FREM3: variants seen among roughly 807,000 people sequenced by gnomAD.
The protein encoded by FREM3 is FRAS1-related extracellular matrix protein 3.
A neutral mutation model predicts 129.1 loss-of-function variants in FREM3; 105 were observed. The ratio of observed to expected loss-of-function variants is 0.81; its 90% CI spans 0.69 to 0.96. The LOEUF (loss-of-function observed/expected upper bound fraction) is 0.96, where lower values mean the gene tolerates loss of function less well. FREM3 is among the 40% of genes least tolerant of loss of function. FREM3 has a pLI of 0.00. For missense variants in FREM3, 2,593 were observed against 2,666.3 expected, an observed-to-expected ratio of 0.97 and a Z score of 0.61; for synonymous variants, 1,014 against 1,044.9, an observed-to-expected ratio of 0.97 and a Z score of 0.57.
intron 2 of FREM3, among the ~76,000 whole-genome samples, chr4:143,674,104 C>T (rs1189300008): frequency 3.9e-5 from 6 of 152,126 alleles, no homozygotes; most frequent in Non-Finnish European, 7.3e-5. Context: ...CTGTCCAGCA[C>T]CCACTGTCCA....
At chr4:143,598,371 A>C (rs1415509941) in intron 6 of FREM3, among the ~76,000 whole-genome samples, 1 of 152,192 alleles carries the variant, frequency 6.6e-6, no homozygotes, top group Non-Finnish European at 1.5e-5. Context: ...CTCACTTTGC[A>C]CTGAGCTGAA....
rs548818105 is a variant in FREM3 at position 143,680,692 on chromosome 4, C to T, written c.5275+12421G>A. ...AGACTTCAAGCATTTTTGAATCAGG[C>T]GTGAAAATTTTGGGCCATGGATCTC... On this transcript the variant is annotated intron_variant, in intron 2 of 7. Transcript: ENST00000329798. Among the ~76,000 whole-genome samples, 22 of 152,034 alleles carry T rather than the reference C, an allele frequency of 1.4e-4. No homozygotes were observed. In the East Asian group the frequency reaches 4.0e-3, roughly 28 times the overall value.
intron 7 of FREM3, among the ~76,000 whole-genome samples, chr4:143,580,541 C>T (rs1738112302): frequency 6.6e-6 from 1 of 152,174 alleles, no homozygotes; most frequent in Non-Finnish European, 1.5e-5. Context: ...ACACTGGTAC[C>T]AGCCTCTGGA....
In FREM3 at chr4:143,696,489, A is replaced by G. The variant is rs1332251187; in HGVS notation, c.4187T>C (p.Val1396Ala). The change falls in exon 1 of 8, where the codon GTT (valine) becomes GCT (alanine). Residue 1396 changes from valine (V) to alanine (A), a missense_variant. Physicochemically the swap from Val to Ala is moderately conservative, Grantham distance 64 (BLOSUM62 0). This residue lies in a region of FREM3 where 2,276 missense variants were observed against 2,267.2 expected (regional missense o/e 1.00). Transcript: ENST00000329798. ...CYIHTGQEGI[V>A]DIIKFDVTDG... ...AGTAACATCAAACTTGATAATGTCA[A>G]CAATCCCTTCTTGGCCTGTGTGGAT... 1 of 1,537,582 alleles carries G rather than the reference A, an allele frequency of 6.5e-7. No individual in the cohort carries two copies. The highest frequency in any genetic ancestry group is 8.7e-7 in the Non-Finnish European group (1 of 1,147,018).
intron 2 of FREM3, among the ~76,000 whole-genome samples, chr4:143,635,601 C>T (rs1357830060): frequency 1.3e-5 from 2 of 152,152 alleles, no homozygotes; most frequent in African/African-American, 4.8e-5. Context: ...GGGGAAATCA[C>T]CACTGATTAA....
intron 2 of FREM3, among the ~76,000 whole-genome samples, chr4:143,653,997 T>A (rs1450244): frequency 0.17 from 26,409 of 152,216 alleles, 3,455 homozygotes; most frequent in African/African-American, 0.36. Flanking sequence ...GTGAGAATTC[T>A]TGAACAAGCA....
At chr4:143,586,553 G>A (rs1874676) in intron 6 of FREM3, among the ~76,000 whole-genome samples, 150,842 of 152,216 alleles carry the variant, frequency 0.99, 74,753 homozygotes, top group Middle Eastern at 1. Context: ...CGCTTCCCCA[G>A]GAGACCAAGA....
At chr4:143,626,300 A>G (rs1739036089) in intron 3 of FREM3, among the ~76,000 whole-genome samples, 2 of 152,156 alleles carry the variant, frequency 1.3e-5, no homozygotes, top group Admixed American at 6.5e-5. Flanking sequence ...TAAAGCTGAA[A>G]TCTACTTGGG....
chr4:143,639,370 A>G (rs189981314), intron 2 of FREM3, among the ~76,000 whole-genome samples: 191 of 152,158 alleles, frequency 1.3e-3, no homozygotes, highest in Middle Eastern at 3.4e-3. Flanking sequence ...TCTGGGCTGG[A>G]GTCTTGGCAA....
At chr4:143,605,353 T>C (rs919436431) in intron 6 of FREM3, among the ~76,000 whole-genome samples, 1 of 151,588 alleles carries the variant, frequency 6.6e-6, no homozygotes, top group Non-Finnish European at 1.5e-5. Context: ...TTACTTGTTT[T>C]TACGTACTCC....
chr4:143,600,710 C>T (rs1738556138), intron 6 of FREM3, among the ~76,000 whole-genome samples: 1 of 152,080 alleles, frequency 6.6e-6, no homozygotes, highest in Admixed American at 6.6e-5. Context: ...AGAATGTAAT[C>T]CATTTTCTTT....
At chr4:143,584,301 C>T (rs1157653732) in intron 7 of FREM3, among the ~76,000 whole-genome samples, 2 of 151,284 alleles carry the variant, frequency 1.3e-5, no homozygotes, top group South Asian at 2.1e-4. Flanking sequence ...CCCAGCTACT[C>T]GGGAGGCTGA....
At chr4:143,645,534 A>G (rs1387190532) in intron 2 of FREM3, among the ~76,000 whole-genome samples, 2 of 152,224 alleles carry the variant, frequency 1.3e-5, no homozygotes, top group South Asian at 4.1e-4. Context: ...ATGAGCAAAG[A>G]CTAAGGTTTC....
At chr4:143,622,554 G>A (rs984048958) in intron 4 of FREM3, among the ~76,000 whole-genome samples, 1 of 151,862 alleles carries the variant, frequency 6.6e-6, no homozygotes, top group Admixed American at 6.6e-5. Context: ...CAACCTCCAG[G>A]AAGACACTGG....
At position 143,695,803 on chromosome 4, in the gene FREM3, T is replaced by C. The variant is rs781123878; in HGVS notation, c.4873A>G (p.Thr1625Ala). The C allele has an allele frequency of 2.1e-5, 33 of 1,537,218 alleles. No homozygotes were observed. The highest frequency in any genetic ancestry group is 2.9e-5 in the Non-Finnish European group (33 of 1,146,938). Residue 1625 changes from threonine to alanine, a missense_variant, in exon 1 of 8, where the codon ACA (threonine) becomes GCA (alanine). Coordinates refer to ENST00000329798, the MANE Select transcript of FREM3 (RefSeq NM_001168235.2). Reference sequence around the variant, plus strand: ...TAGAAATCAGTGTGAGTGCCGTCTGTCACAGTCAAGGAGAAACTATCTTCA... The same window carrying C: ...TAGAAATCAGTGTGAGTGCCGTCTGCCACAGTCAAGGAGAAACTATCTTCA... ...TTEDSFSLTV[T>A]DGTHTDFYVL...
At chr4:143,648,672 T>C (rs1316709945) in intron 2 of FREM3, among the ~76,000 whole-genome samples, 1 of 152,242 alleles carries the variant, frequency 6.6e-6, no homozygotes, top group African/African-American at 2.4e-5. Flanking sequence ...TGCTGTGATT[T>C]GTTTTCTGAG....
intron 2 of FREM3, among the ~76,000 whole-genome samples, chr4:143,643,471 A>G (rs984186474): frequency 6.6e-6 from 1 of 152,024 alleles, no homozygotes; most frequent in Non-Finnish European, 1.5e-5. Context: ...ACCATAGAAA[A>G]GAGGAAAAAT....
chr4:143,586,114 CT>C, intron 6 of FREM3, 121 bp from the exon 7 acceptor site: 1 of 974,166 alleles, frequency 1.0e-6, no homozygotes, highest in Non-Finnish European at 1.5e-6. Flanking sequence ...TCCCATAGGT[CT>C]TGTTTTTTTA....
At position 143,698,732 on chromosome 4, in the gene FREM3, T is replaced by C. The variant is rs1740630460; in HGVS notation, c.1944A>G (p.Arg648=). The C allele has an allele frequency of 6.5e-7, 1 of 1,537,302 alleles. No individual in the cohort carries two copies. The highest frequency in any genetic ancestry group is 2.0e-5 in the Admixed American group (1 of 50,984). The change falls in exon 1 of 8, where the codon AGA becomes AGG. Residue 648 remains arginine (R), a synonymous_variant. Coordinates refer to ENST00000329798, the MANE Select transcript of FREM3 (RefSeq NM_001168235.2). Reference sequence around the variant, plus strand: ...AGAAGAGTCTCCCTTCCATTATGTCTCTCTGTAGCCACTCAGTCACCACTT... The same window carrying C: ...AGAAGAGTCTCCCTTCCATTATGTCCCTCTGTAGCCACTCAGTCACCACTT... ...YEKVVTEWLQ[R]DIMEGRLFYR...
Sources: allele counts gnomAD v4.1 joint callset (sites outside exome capture counted in the v4.1 genomes callset), GRCh38; gene constraint gnomAD v4.1.1; regional missense constraint gnomAD v4.1.1; transcripts MANE v1.5; gene names NCBI Gene and HGNC (gene_info 2026-07-23, HGNC 2026-07-21).